KIF21B: variants seen among roughly 807,000 people sequenced by gnomAD.
KIF21B encodes the protein kinesin-like protein KIF21B.
KIF21B carries 85 observed loss-of-function variants against 192.9 expected under a neutral mutation model. The observed-to-expected ratio is 0.44, with a 90% confidence interval of 0.37 to 0.53. The LOEUF (loss-of-function observed/expected upper bound fraction) is 0.53. KIF21B is among the 20% of genes least tolerant of loss of function. KIF21B has a pLI of 0.00. For missense variants in KIF21B, 1,716 were observed against 2,194.8 expected (o/e 0.78, Z 4.36); for synonymous variants, 832 against 884.6 (o/e 0.94, Z 1.05).
At position 200,977,363 on chromosome 1, in the gene KIF21B, C is replaced by T; in HGVS notation, c.4174G>A (p.Val1392Met). 6.2e-7 allele frequency: 1 copy of T among 1,614,080 alleles called. No individual in the cohort carries two copies. The change falls in exon 31 of 35, where the codon GTG becomes ATG. Residue 1392 changes from valine (V) to methionine (M), a missense_variant. By Grantham distance (21) the Val-to-Met change is conservative. Transcript: ENST00000461742. ...GCGGCACAGGCATCCCCTGAGATCACCTGGCCCGAGGACCTGCCCATCGGA... is the reference window on the plus strand; with the variant it reads ...GCGGCACAGGCATCCCCTGAGATCATCTGGCCCGAGGACCTGCCCATCGGA... ...CIRTLTSSGQVISGDACAATS... is the reference protein window; with the variant it reads ...CIRTLTSSGQMISGDACAATS...
rs572757387 is a variant in KIF21B, at chr1:200,974,621, G to T, written c.4814+93C>A. 3 of 1,348,030 alleles carry T rather than the reference G, an allele frequency of 2.2e-6. No individual in the cohort carries two copies. The South Asian group carries it at 3.7e-5, about 17-fold the overall frequency. 83.5% of individuals were successfully genotyped at this position (1,348,030 alleles called of 1,614,324 possible). ...CTGCTCTGTGAACCGAGCCTGCGGG[G>T]ACAACTGCAGGGCCCTGAGCCTCCC... is the stretch of plus-strand genomic sequence containing the variant. On this transcript the variant is annotated intron_variant, in intron 34 of 34. Coordinates refer to ENST00000461742, the MANE Select transcript of KIF21B (RefSeq NM_001252102.2).
Position 201,005,364 on chromosome 1 carries a change from G to C in KIF21B, c.676C>G (p.His226Asp). ...CACAGGTGGATGGTGAAGATGGCGT[G>C]GGAGCGTGAGCTCTGCACGTTCATC... is the stretch of plus-strand genomic sequence containing the variant. Reference protein sequence around the residue: ...TQMNVQSSRSHAIFTIHLCQM... With the variant: ...TQMNVQSSRSDAIFTIHLCQM... Residue 226 changes from histidine to aspartate, a missense_variant, in exon 5 of 35, where the codon CAC becomes GAC. Around this residue, in one of 3 missense-constraint regions of KIF21B, gnomAD observed 1,087 missense variants for 1,316.6 expected, o/e 0.83. Coordinates refer to ENST00000461742, the MANE Select transcript of KIF21B (RefSeq NM_001252102.2). 2 of 1,613,018 alleles carry C rather than the reference G, an allele frequency of 1.2e-6. No homozygotes were observed. The highest frequency in any genetic ancestry group is 1.7e-6 in the Non-Finnish European group (2 of 1,179,628).
chr1:201,006,401 G>T (rs562730591), intron 3 of KIF21B, among the ~76,000 whole-genome samples: 5 of 152,340 alleles, frequency 3.3e-5, no homozygotes, highest in African/African-American at 1.2e-4. Flanking sequence ...AACAGGCAGG[G>T]AACTAGGGCT....
intron 15 of KIF21B, 137 bp downstream of exon 15, chr1:200,996,059 G>A (rs1411467636): frequency 2.2e-6 from 2 of 915,822 alleles, no homozygotes; most frequent in Non-Finnish European, 3.5e-6. Context: ...GCCAAGACAG[G>A]GTCAAACTAG....
At chr1:201,018,517 CTG>C (rs530711379) in intron 1 of KIF21B, among the ~76,000 whole-genome samples, 2 of 152,222 alleles carry the variant, frequency 1.3e-5, no homozygotes, top group Admixed American at 6.5e-5. Context: ...TTCACGGCCA[CTG>C]TGTGTAGTAA....
At chr1:200,989,368 C>T (rs12402964) in intron 21 of KIF21B, among the ~76,000 whole-genome samples, 8,734 of 152,230 alleles carry the variant, frequency 0.057, 587 homozygotes, top group African/African-American at 0.15. Flanking sequence ...AGGGGTCAGG[C>T]GGCAGAGTCT....
chr1:200,974,892 C>T lies in KIF21B; in HGVS notation c.4636G>A (p.Asp1546Asn), dbSNP rs1308815118. ...LIQQIPNAHK[D>N]WVCALAFIPG... The stretch of plus-strand genomic sequence containing the variant: ...ATGAAGGCCAGGGCGCACACCCAGT[C>T]CTTGTGCGCATTGGGGATTTGCTGT... The change falls in exon 34 of 35, where the codon GAC (aspartate) becomes AAC (asparagine). Residue 1546 changes from aspartate (D) to asparagine (N), a missense_variant. By Grantham distance (23) the Asp-to-Asn change is conservative. Coordinates refer to ENST00000461742, the MANE Select transcript of KIF21B (RefSeq NM_001252102.2). 1 of 1,613,922 alleles carries T rather than the reference C, an allele frequency of 6.2e-7. No individual in the cohort carries two copies. The highest frequency in any genetic ancestry group is 8.5e-7 in the Non-Finnish European group (1 of 1,180,004).
intron 31 of KIF21B, 28 bp from the exon 32 acceptor site, chr1:200,976,921 G>A: frequency 6.5e-7 from 1 of 1,546,664 alleles, no homozygotes; most frequent in Non-Finnish European, 8.9e-7. Flanking sequence ...CCAGCCAGGG[G>A]TAGGTGAATT....
At chr1:200,974,958 G>A in intron 33 of KIF21B, 45 bp from the exon 34 acceptor site, 2 of 1,584,162 alleles carry the variant, frequency 1.3e-6, no homozygotes, top group African/African-American at 2.7e-5. Flanking sequence ...AGGTGATGAG[G>A]GAGAGAACCT....
At position 201,008,957 on chromosome 1, in the gene KIF21B, T is replaced by C. The variant is rs200742931; in HGVS notation, c.265-6A>G. 9.3e-6 allele frequency: 15 copies of C among 1,605,390 alleles called. 1 individual carries two copies. The highest frequency in any genetic ancestry group is 3.3e-5 in the South Asian group (3 of 90,436). On this transcript the variant is annotated splice_polypyrimidine_tract_variant and splice_region_variant and intron_variant, in intron 2 of 34. Transcript: ENST00000461742. ...TACGTCTTCCCGGCCCCCGTCTGCA[T>C]TGGCAAAGATAGGAGGGTGTAACCC...
In KIF21B at chr1:200,998,446, A is replaced by G; in HGVS notation, c.2015T>C (p.Ile672Thr). The change falls in exon 14 of 35, where the codon ATT becomes ACT. Residue 672 changes from isoleucine to threonine, a missense_variant. This residue lies in a region of KIF21B where 1,087 missense variants were observed against 1,316.6 expected (regional missense o/e 0.83). Coordinates refer to ENST00000461742, the MANE Select transcript of KIF21B (RefSeq NM_001252102.2). This position sits in a 1 kb window ranked among gnomAD's most constrained non-coding sequence, Gnocchi z 4.3. ...GTCTCGGATCTTGTTCTGCAGCAGA[A>G]TCAGCTTTTCCTCATACTGGTGCTT... ...TLKHQYEEKLILLQNKIRDTQ... is the reference protein window; with the variant it reads ...TLKHQYEEKLTLLQNKIRDTQ... 1 of 1,614,098 alleles carries G rather than the reference A, an allele frequency of 6.2e-7. No homozygotes were observed. Among genetic ancestry groups the G allele is most frequent in the Non-Finnish European group, 8.5e-7 (1 of 1,180,034 alleles).
rs376555333 is a variant in KIF21B, at chr1:201,023,434, G to A, written c.-51C>T. The stretch of plus-strand genomic sequence containing the variant: ...GTGGATCAGAGGCGGGGGTCTGGGG[G>A]CCAATGCCCGAGGCAGCGGCTGCGG... On this transcript the variant is annotated 5_prime_UTR_variant, in exon 1 of 35. Coordinates refer to ENST00000461742, the MANE Select transcript of KIF21B (RefSeq NM_001252102.2). The surrounding 1 kb of genome is among the most constrained non-coding windows in gnomAD (Gnocchi z 5.9). 5 of 1,325,552 alleles carry A rather than the reference G, an allele frequency of 3.8e-6. No homozygotes were observed. Among genetic ancestry groups the A allele is most frequent in the Admixed American group, 3.1e-5 (1 of 31,984 alleles). 82.1% of individuals were successfully genotyped at this position (1,325,552 alleles called of 1,614,324 possible).
chr1:201,011,820 G>A (rs1658250132), intron 1 of KIF21B, among the ~76,000 whole-genome samples: 1 of 152,354 alleles, frequency 6.6e-6, no homozygotes, highest in East Asian at 1.9e-4. Flanking sequence ...GGGATTTCTG[G>A]ATTCAGTTCA....
intron 17 of KIF21B, 61 bp from the exon 18 acceptor site, chr1:200,991,210 G>A: frequency 1.4e-6 from 2 of 1,401,596 alleles, no homozygotes; most frequent in Admixed American, 1.9e-5. Flanking sequence ...CCACACAGAA[G>A]GGCCCAGGTT....
At position 200,988,493 on chromosome 1, in the gene KIF21B, C is replaced by A. The variant is rs1366039030; in HGVS notation, c.3350G>T (p.Ser1117Ile). The change falls in exon 23 of 35, where the codon AGC becomes ATC. Residue 1117 changes from serine to isoleucine, a missense_variant and splice_region_variant. Coordinates refer to ENST00000461742, the MANE Select transcript of KIF21B (RefSeq NM_001252102.2). ...TCTCACTCCCAGCTTGCAAACTCACCTGCCCTCAGAGAACTCTGAGATCTC... is the reference window on the plus strand; with the variant it reads ...TCTCACTCCCAGCTTGCAAACTCACATGCCCTCAGAGAACTCTGAGATCTC... ...DEEISEFSEG[S>I]FSQSFTMKGS... is the part of the protein sequence containing the mutation. 8.1e-6 allele frequency: 13 copies of A among 1,606,576 alleles called. No homozygotes were observed. Among genetic ancestry groups the A allele is most frequent in the Non-Finnish European group, 1.1e-5 (13 of 1,176,152 alleles).
At chr1:200,977,035 C>T (rs1332916905) in intron 31 of KIF21B, 142 bp from the exon 32 acceptor site, 2 of 953,814 alleles carry the variant, frequency 2.1e-6, no homozygotes, top group East Asian at 2.5e-5. Flanking sequence ...AGAATCTAGA[C>T]ATGAGCTACC....
rs146175093 is a variant in KIF21B, at chr1:200,990,633, G to A, written c.2778C>T (p.Ile926=). The A allele has an allele frequency of 1.5e-4, 246 of 1,614,118 alleles. 1 individual carries two copies. The African/African-American group carries it at 2.6e-3, about 17-fold the overall frequency. The change falls in exon 19 of 35, where the codon ATC becomes ATT. Residue 926 remains isoleucine, a synonymous_variant. Transcript: ENST00000461742. The surrounding 1 kb of genome is among the most constrained non-coding windows in gnomAD (Gnocchi z 5.4). ...WQSLERRIID[I]VMQRMTIVNL... ...TGACAATGGTCATTCTCTGCATGACGATGTCAATGATCCGTCGCTCCAGGG... is the reference window on the plus strand; with the variant it reads ...TGACAATGGTCATTCTCTGCATGACAATGTCAATGATCCGTCGCTCCAGGG...
At position 200,998,679 on chromosome 1, in the gene KIF21B, G is replaced by A. The variant is rs1308484719; in HGVS notation, c.1886-104C>T. 1.0e-6 allele frequency: 1 copy of A among 997,752 alleles called. No individual in the cohort carries two copies. 61.8% of individuals were successfully genotyped at this position (997,752 alleles called of 1,614,324 possible). The stretch of plus-strand genomic sequence containing the variant: ...CTGGGACCCTCCTTTGGTCAGCCAT[G>A]ACCAATCAGTGACCAGAGACTGGGC... On this transcript the variant is annotated intron_variant, in intron 13 of 34. Coordinates refer to ENST00000461742, the MANE Select transcript of KIF21B (RefSeq NM_001252102.2). The surrounding 1 kb of genome is among the most constrained non-coding windows in gnomAD (Gnocchi z 4.3).
In KIF21B at chr1:200,975,717, G is replaced by A. The variant is rs1269729016; in HGVS notation, c.4444-48C>T. 3.9e-6 allele frequency: 6 copies of A among 1,545,118 alleles called. No homozygotes were observed. In the South Asian group the frequency reaches 7.3e-5, roughly 19 times the overall value. ...GGAGAGGCCAAGTGGGAGGATGGAA[G>A]GCAGGGCCTACAGCACTGTGGACCC... On this transcript the variant is annotated intron_variant, in intron 32 of 34. Coordinates refer to ENST00000461742, the MANE Select transcript of KIF21B (RefSeq NM_001252102.2). The surrounding 1 kb of genome is among the most constrained non-coding windows in gnomAD (Gnocchi z 4.3).
Sources: allele counts gnomAD v4.1 joint callset (sites outside exome capture counted in the v4.1 genomes callset), GRCh38; gene constraint gnomAD v4.1.1; regional missense constraint gnomAD v4.1.1; non-coding constraint Gnocchi (gnomAD v3.1); transcripts MANE v1.5; gene names NCBI Gene and HGNC (gene_info 2026-07-23, HGNC 2026-07-21).